Variants in MACF1 observed in about 807,000 individuals in gnomAD.
The protein encoded by MACF1 is microtubule actin crosslinking factor 1, also known as microtubule-actin cross-linking factor 1.
A neutral mutation model predicts 854.8 loss-of-function variants in MACF1; 193 were observed. The observed-to-expected ratio is 0.23, with a 90% CI of 0.20 to 0.25. MACF1 has a LOEUF of 0.25. MACF1 is among the 10% of genes least tolerant of loss of function. The pLI is 1.00. For synonymous variants in MACF1, 3,185 were observed against 3,226.7 expected (o/e 0.99, Z 0.44); for missense variants, 7,722 against 8,929.1 (o/e 0.86, Z 5.45).
Position 39,333,961 on chromosome 1 carries a change from G to C in MACF1, c.7373G>C (p.Arg2458Thr). 1 of 1,614,168 alleles carries C rather than the reference G, an allele frequency of 6.2e-7. No homozygotes were observed. Among genetic ancestry groups the C allele is most frequent in the Non-Finnish European group, 8.5e-7 (1 of 1,180,038 alleles). ...GATGCTGAAAAAACAGTTAGGGAGAGATTAATTAGTTTACAAATGGAAACA... is the reference window on the plus strand; with the variant it reads ...GATGCTGAAAAAACAGTTAGGGAGACATTAATTAGTTTACAAATGGAAACA... ...GRDAEKTVRE[R>T]LISLQMETTG... is the part of the protein sequence containing the mutation. Residue 2458 changes from arginine to threonine, a missense_variant, in exon 37 of 101, where the codon AGA (arginine) becomes ACA (threonine). Physicochemically the swap from Arg to Thr is moderately conservative, Grantham distance 71 (BLOSUM62 -1). Around this residue, in one of 15 missense-constraint regions of MACF1, gnomAD observed 1,531 missense variants for 1,601.6 expected, o/e 0.96. Transcript: ENST00000564288.
At chr1:39,406,751 A>AC (rs1642724045) in intron 58 of MACF1, among the ~76,000 whole-genome samples, 3 of 150,846 alleles carry the variant, frequency 2.0e-5, no homozygotes, top group African/African-American at 7.4e-5. Flanking sequence ...AAAAAAAAAA[A>AC]AAAAAAACAT....
chr1:39,482,043 A>G (rs1326145876), intron 99 of MACF1, among the ~76,000 whole-genome samples: 1 of 152,110 alleles, frequency 6.6e-6, no homozygotes, highest in African/African-American at 2.4e-5. Flanking sequence ...TCTCAGTTCT[A>G]TTTTAAATTT....
chr1:39,345,639 C>G (rs543322013), intron 40 of MACF1, among the ~76,000 whole-genome samples: 1 of 152,198 alleles, frequency 6.6e-6, no homozygotes, highest in South Asian at 2.1e-4. Flanking sequence ...GAATCATAAA[C>G]AAATTATATA....
At chr1:39,354,234 C>T (rs2148506707) in intron 44 of MACF1, among the ~76,000 whole-genome samples, 1 of 152,204 alleles carries the variant, frequency 6.6e-6, no homozygotes, top group South Asian at 2.1e-4. Context: ...AACTTACTTG[C>T]TTCTCCATTG....
intron 61 of MACF1, 151 bp downstream of exon 61, chr1:39,424,345 TCCTCATAATCAGAATCAC>T: frequency 1.6e-6 from 1 of 608,032 alleles, no homozygotes; most frequent in Admixed American, 3.3e-5. Context: ...TTAGAGATGA[TCCTCATAATCAGAATCAC>T]ACTCAGGAAA....
intron 2 of MACF1, among the ~76,000 whole-genome samples, chr1:39,194,640 G>A (rs1029897819): frequency 6.6e-6 from 1 of 151,832 alleles, no homozygotes; most frequent in Non-Finnish European, 1.5e-5. Context: ...ACCATGCCCA[G>A]CCAAAAGTGG....
chr1:39,440,864 A>G (rs1393390617), intron 72 of MACF1, 139 bp from the exon 73 acceptor site: 10 of 710,724 alleles, frequency 1.4e-5, no homozygotes, highest in Non-Finnish European at 2.1e-5. Context: ...GTAGAGTCTG[A>G]AGCTTTAGTG....
chr1:39,439,832 C>G (rs1023027878), intron 72 of MACF1, among the ~76,000 whole-genome samples: 1 of 152,082 alleles, frequency 6.6e-6, no homozygotes, highest in African/African-American at 2.4e-5. Context: ...TTCTGAACTC[C>G]TGACCTCAGG....
intron 2 of MACF1, among the ~76,000 whole-genome samples, chr1:39,168,596 G>C (rs1409788503): frequency 6.6e-6 from 1 of 152,170 alleles, no homozygotes; most frequent in Non-Finnish European, 1.5e-5. Flanking sequence ...AGCTCCCTGA[G>C]AGCTGGGATT....
intron 6 of MACF1, among the ~76,000 whole-genome samples, chr1:39,261,601 T>C (rs1645164317): frequency 6.6e-6 from 1 of 152,226 alleles, no homozygotes; most frequent in African/African-American, 2.4e-5. Flanking sequence ...AACATAATAT[T>C]TTTTGGTTCA....
rs1642168062 is a variant in MACF1, at chr1:39,393,958, TGACA to T, written c.15816+5304_15816+5307del. On this transcript the variant is annotated intron_variant, in intron 58 of 100. Transcript: ENST00000564288. ...CGAACGAACAATGGGAAAAATTGAC[TGACA>T]GACCTCTTTAGGGTCTGCGAGTTTC... Among the ~76,000 whole-genome samples the T allele has an allele frequency of 4.6e-5, 7 of 152,152 alleles. No homozygotes were observed. The South Asian group carries it at 1.5e-3, about 32-fold the overall frequency.
At chr1:39,295,702 G>A (rs1331697006) in intron 19 of MACF1, 85 bp from the exon 20 acceptor site, 2 of 941,194 alleles carry the variant, frequency 2.1e-6, no homozygotes, top group Non-Finnish European at 3.2e-6. Context: ...ATCATTAGCA[G>A]AGTTGTACTT....
At chr1:39,407,101 C>T (rs1642745370) in intron 58 of MACF1, among the ~76,000 whole-genome samples, 1 of 152,160 alleles carries the variant, frequency 6.6e-6, no homozygotes, top group Non-Finnish European at 1.5e-5. Flanking sequence ...TCTGTTTTCC[C>T]AAATCTCTGC....
At chr1:39,384,180 C>T (rs1286457098) in intron 56 of MACF1, among the ~76,000 whole-genome samples, 1 of 152,096 alleles carries the variant, frequency 6.6e-6, no homozygotes, top group Non-Finnish European at 1.5e-5. Flanking sequence ...TCTAGGGAGC[C>T]TTTCCTAATT....
At chr1:39,393,190 AAAAAAAATATATAT>A (rs1642109096) in intron 58 of MACF1, among the ~76,000 whole-genome samples, 1 of 86,710 alleles carries the variant, frequency 1.2e-5, no homozygotes, top group African/African-American at 6.2e-5. Flanking sequence ...GTAAAAAAAA[AAAAAAAATATATAT>A]ATATATATAT....
At chr1:39,116,877 C>G (rs891816867) in intron 2 of MACF1, among the ~76,000 whole-genome samples, 1 of 152,140 alleles carries the variant, frequency 6.6e-6, no homozygotes, top group East Asian at 1.9e-4. Flanking sequence ...TGAGTGAACT[C>G]CAGGCCTAGC....
chr1:39,295,948 C>A, intron 20 of MACF1, 66 bp downstream of exon 20: 2 of 1,383,348 alleles, frequency 1.4e-6, no homozygotes, highest in Non-Finnish European at 2.0e-6. Flanking sequence ...GTTACAAACA[C>A]ATCTGCGTTA....
chr1:39,318,407 T>C, intron 29 of MACF1, 46 bp from the exon 30 acceptor site: 1 of 1,556,564 alleles, frequency 6.4e-7, no homozygotes, highest in Non-Finnish European at 8.8e-7. Context: ...TACTTTATTG[T>C]ATTTGTACCA....
chr1:39,375,157 G>A (rs955967578), intron 52 of MACF1, among the ~76,000 whole-genome samples: 1 of 151,644 alleles, frequency 6.6e-6, no homozygotes, highest in Non-Finnish European at 1.5e-5. Flanking sequence ...AAACCATTTT[G>A]TTGGTGTAAG....
Sources: gnomAD v4.1 joint callset for allele counts (sites outside exome capture counted in the v4.1 genomes callset) on GRCh38, gnomAD v4.1.1 for gene constraint, gnomAD v4.1.1 regional missense constraint, MANE v1.5 for transcripts, NCBI Gene and HGNC (gene_info 2026-07-23, HGNC 2026-07-21) for gene names.